PSMA1: variants seen among roughly 807,000 people sequenced by gnomAD.
PSMA1 encodes proteasome 20S subunit alpha 1.
A neutral mutation model predicts 38.4 loss-of-function variants in PSMA1; 3 were observed. The observed-to-expected ratio is 0.08, with a 90% CI of 0.04 to 0.20. The LOEUF is 0.20. Ranked by LOEUF, PSMA1 falls within the 10% of genes least tolerant of loss-of-function variation. PSMA1 has a pLI of 1.00. For synonymous variants in PSMA1, 101 were observed against 107.1 expected (o/e 0.94, Z 0.35); for missense variants, 227 against 325.3 (o/e 0.70, Z 2.32).
At chr11:14,535,170 T>G (rs1851690322) in intron 2 of PSMA1, among the ~76,000 whole-genome samples, 1 of 151,896 alleles carries the variant, frequency 6.6e-6, no homozygotes, top group Admixed American at 6.6e-5. Flanking sequence ...TTTTTTTTTT[T>G]TCTGGCAACA....
At chr11:14,521,978 T>C (rs1851536391), upstream of PSMA1, among the ~76,000 whole-genome samples, 2 of 152,202 alleles carry the variant, frequency 1.3e-5, no homozygotes, top group South Asian at 4.1e-4. Flanking sequence ...CCTAGCACAA[T>C]GCGTAGCACA....
At chr11:14,593,679 T>C (rs1852450521) in intron 2 of PSMA1, among the ~76,000 whole-genome samples, 1 of 147,994 alleles carries the variant, frequency 6.8e-6, no homozygotes, top group African/African-American at 2.5e-5. Context: ...CCCTAATGTG[T>C]GGTCCTAATA....
rs1851384884 is a variant in PSMA1 at position 14,513,816 on chromosome 11, C to T, written c.414+1G>A. 6.3e-7 allele frequency: 1 copy of T among 1,582,524 alleles called. No individual in the cohort carries two copies. Among genetic ancestry groups the T allele is most frequent in the Non-Finnish European group, 8.5e-7 (1 of 1,170,588 alleles). On this transcript the variant is annotated splice_donor_variant, in intron 6 of 9. Coordinates refer to ENST00000396394, the MANE Select transcript of PSMA1 (RefSeq NM_002786.4). LOFTEE classifies it high-confidence loss of function. ...CATATAACAATATTCAATGAACTTA[C>T]ATCATAACCAGCAATAAGGAGACCA... is the stretch of plus-strand genomic sequence containing the variant.
intron 8 of PSMA1, among the ~76,000 whole-genome samples, chr11:14,509,423 C>T (rs1851302372): frequency 6.6e-6 from 1 of 152,128 alleles, no homozygotes; most frequent in Non-Finnish European, 1.5e-5. Context: ...TATCATCTCT[C>T]ACATAATTAC....
chr11:14,573,851 T>G (rs966535572), intron 2 of PSMA1, among the ~76,000 whole-genome samples: 2 of 152,190 alleles, frequency 1.3e-5, no homozygotes, highest in Admixed American at 1.3e-4. Flanking sequence ...AAGGTCACTT[T>G]TGTTATGCAT....
chr11:14,590,144 C>T (rs2134187674), intron 2 of PSMA1, among the ~76,000 whole-genome samples: 1 of 152,250 alleles, frequency 6.6e-6, no homozygotes, highest in East Asian at 1.9e-4. Flanking sequence ...CTAGAGTAGT[C>T]AAACTGATAG....
At position 14,505,079 on chromosome 11, in the gene PSMA1, C is replaced by A; in HGVS notation, c.*113G>T. On this transcript the variant is annotated 3_prime_UTR_variant, in exon 10 of 10. Transcript: ENST00000396394. ...CTCACATCTGGACTGATTCCTAAAA[C>A]ATAGCATTCCACCACTCTGCAACTT... The A allele has an allele frequency of 1.0e-6, 1 of 955,860 alleles. No homozygotes were observed. The allele number at this position is 955,860 out of a possible 1,614,324, so 59.2% of individuals were successfully genotyped here. A position where few individuals can be genotyped will look rare whatever the true frequency, so the allele number is the denominator to read the frequency against.
At chr11:14,639,193 A>C (rs1352501119) in intron 1 of PSMA1, among the ~76,000 whole-genome samples, 1 of 152,200 alleles carries the variant, frequency 6.6e-6, no homozygotes, top group African/African-American at 2.4e-5. Context: ...ACATCTCTGA[A>C]ACATTTATTT....
At chr11:14,517,771 A>T (rs1474699899) in intron 3 of PSMA1, 26 bp from the exon 4 acceptor site, 2 of 186,636 alleles carry the variant, frequency 1.1e-5, no homozygotes, top group African/African-American at 1.5e-4. Context: ...ATAAGATGTA[A>T]AAAAAAAAAA....
chr11:14,535,106 A>T (rs1851689564), intron 2 of PSMA1, among the ~76,000 whole-genome samples: 1 of 151,086 alleles, frequency 6.6e-6, no homozygotes, highest in Non-Finnish European at 1.5e-5. Context: ...AAACAAAAAA[A>T]CCCCTGGTAT....
At chr11:14,511,548 G>A (rs1307230132) in intron 7 of PSMA1, among the ~76,000 whole-genome samples, 1 of 152,080 alleles carries the variant, frequency 6.6e-6, no homozygotes, top group Non-Finnish European at 1.5e-5. Context: ...AAGGAAGGGA[G>A]AAAACCTGCA....
At chr11:14,614,228 GT>G (rs2134200070) in intron 1 of PSMA1, among the ~76,000 whole-genome samples, 1 of 152,132 alleles carries the variant, frequency 6.6e-6, no homozygotes, top group Non-Finnish European at 1.5e-5. Flanking sequence ...GCAATTCTGA[GT>G]TAGGAGTTTC....
At position 14,517,757 on chromosome 11, in the gene PSMA1, C is replaced by T. The variant is rs1481906358; in HGVS notation, c.151-12G>A. On this transcript the variant is annotated splice_polypyrimidine_tract_variant and intron_variant, in intron 3 of 9. Coordinates refer to ENST00000396394, the MANE Select transcript of PSMA1 (RefSeq NM_002786.4). Reference sequence around the variant, plus strand: ...TCTGATTGCGCCCTCTAAATAGAGACATTATAAGATGTAAAAAAAAAAAAA... The same window carrying T: ...TCTGATTGCGCCCTCTAAATAGAGATATTATAAGATGTAAAAAAAAAAAAA... 1.4e-6 allele frequency: 2 copies of T among 1,468,320 alleles called. No individual in the cohort carries two copies. Among genetic ancestry groups the T allele is most frequent in the South Asian group, 2.5e-5 (2 of 80,306 alleles). The allele number at this position is 1,468,320 out of a possible 1,614,324, so 91.0% of individuals were successfully genotyped here. A position where few individuals can be genotyped will look rare whatever the true frequency, so the allele number is the denominator to read the frequency against.
chr11:14,624,074 G>C (rs1852882913), intron 1 of PSMA1, among the ~76,000 whole-genome samples: 1 of 152,206 alleles, frequency 6.6e-6, no homozygotes, highest in Admixed American at 6.5e-5. Flanking sequence ...CAGTAAAGGA[G>C]ATGCAGGATT....
At chr11:14,633,746 G>A (rs765843392) in intron 1 of PSMA1, among the ~76,000 whole-genome samples, 5 of 152,106 alleles carry the variant, frequency 3.3e-5, no homozygotes, top group South Asian at 2.1e-4. Context: ...CCTAACTGCC[G>A]CCTTGCAGTT....
chr11:14,546,360 T>C (rs1252510115), intron 2 of PSMA1, among the ~76,000 whole-genome samples: 1 of 151,770 alleles, frequency 6.6e-6, no homozygotes, highest in Non-Finnish European at 1.5e-5. Context: ...ATACAGCAAA[T>C]GATGTTAGAA....
intron 1 of PSMA1, chr11:14,519,269 C>G (rs925148613): frequency 4.3e-5 from 25 of 586,766 alleles, no homozygotes; most frequent in Admixed American, 2.4e-4. Flanking sequence ...TTTCCAAACT[C>G]TTATTCTAAC....
chr11:14,525,333 T>A (rs973251683), upstream of PSMA1, among the ~76,000 whole-genome samples: 2 of 152,032 alleles, frequency 1.3e-5, no homozygotes, highest in African/African-American at 4.8e-5. Flanking sequence ...TCTCCTTGTA[T>A]CTCCCTACCT....
chr11:14,563,603 G>C (rs1852035116), intron 2 of PSMA1, among the ~76,000 whole-genome samples: 1 of 151,908 alleles, frequency 6.6e-6, no homozygotes, highest in African/African-American at 2.4e-5. Context: ...ATTAAGGGTT[G>C]GTCTAAATAA....
Sources: allele counts gnomAD v4.1 joint callset (sites outside exome capture counted in the v4.1 genomes callset), GRCh38; gene constraint gnomAD v4.1.1; transcripts MANE v1.5; gene names NCBI Gene and HGNC (gene_info 2026-07-23, HGNC 2026-07-21).